Variants in CDC40 observed in about 807,000 individuals in gnomAD.
CDC40 encodes pre-mRNA-processing factor 17.
Under a neutral mutation model 80.6 loss-of-function variants are expected in CDC40, and 27 were observed. That is an observed-to-expected ratio of 0.33 (90% confidence interval 0.25 to 0.46). The LOEUF (loss-of-function observed/expected upper bound fraction) is 0.46, where lower values mean the gene tolerates loss of function less well. Ranked by LOEUF, CDC40 falls within the 20% of genes least tolerant of loss-of-function variation. The pLI, the probability that CDC40 is intolerant of heterozygous loss-of-function variation, is 1.00. For synonymous variants in CDC40, 221 were observed against 232.6 expected (o/e 0.95, Z 0.45); for missense variants, 486 against 694.1 (o/e 0.70, Z 3.37).
At chr6:110,218,121 C>G (rs921149468) in intron 10 of CDC40, among the ~76,000 whole-genome samples, 1 of 152,078 alleles carries the variant, frequency 6.6e-6, no homozygotes, top group African/African-American at 2.4e-5. Context: ...TTGCACATAA[C>G]AGAAGTGCAA....
intron 12 of CDC40, among the ~76,000 whole-genome samples, chr6:110,223,800 G>GGGTTT (rs201642631): frequency 0.066 from 7,570 of 115,176 alleles, 269 homozygotes; most frequent in Middle Eastern, 0.12. Context: ...GCAACTTGTA[G>GGGTTT]GGTTTTGTTT....
At chr6:110,223,807 GTTTT>G (rs1777811773) in intron 12 of CDC40, among the ~76,000 whole-genome samples, 12 of 82,620 alleles carry the variant, frequency 1.5e-4, no homozygotes, top group South Asian at 5.1e-4. Context: ...GTAGGGTTTT[GTTTT>G]GTTTTGTTTT....
chr6:110,221,476 G>A (rs574854360), intron 12 of CDC40, among the ~76,000 whole-genome samples: 1 of 152,284 alleles, frequency 6.6e-6, no homozygotes, highest in African/African-American at 2.4e-5. Flanking sequence ...TCCCCAATTA[G>A]TAGAGAGTAG....
At chr6:110,203,991 A>G (rs1196914630) in intron 3 of CDC40, among the ~76,000 whole-genome samples, 2 of 152,096 alleles carry the variant, frequency 1.3e-5, no homozygotes, top group East Asian at 3.8e-4. Flanking sequence ...TTTAACTTCA[A>G]TATTTGAAAT....
At chr6:110,212,394 T>G in intron 7 of CDC40, 122 bp downstream of exon 7, 1 of 937,676 alleles carries the variant, frequency 1.1e-6, no homozygotes, top group East Asian at 2.5e-5. Context: ...TCAAATTGAA[T>G]GTAAGCCTGA....
At chr6:110,225,481 TCACCAAACA>T (rs1777843799) in intron 12 of CDC40, among the ~76,000 whole-genome samples, 2 of 151,790 alleles carry the variant, frequency 1.3e-5, no homozygotes, top group African/African-American at 4.8e-5. Flanking sequence ...TTTTTCTCCT[TCACCAAACA>T]CATTTGAAAT....
At chr6:110,220,174 T>C (rs1469732877) in intron 12 of CDC40, among the ~76,000 whole-genome samples, 1 of 152,152 alleles carries the variant, frequency 6.6e-6, no homozygotes, top group Non-Finnish European at 1.5e-5. Flanking sequence ...CTTATTCATC[T>C]CTGTAAAATA....
At chr6:110,196,821 T>C (rs1777424631) in intron 2 of CDC40, among the ~76,000 whole-genome samples, 1 of 145,298 alleles carries the variant, frequency 6.9e-6, no homozygotes, top group Non-Finnish European at 1.5e-5. Flanking sequence ...ATTGTGGGGA[T>C]CTTCTCTTAA....
chr6:110,228,751 CA>C (rs1178815946), intron 13 of CDC40, 80 bp from the exon 14 acceptor site: 1 of 1,044,724 alleles, frequency 9.6e-7, no homozygotes, highest in African/African-American at 1.7e-5. Flanking sequence ...TTATATTAAT[CA>C]CAGTGAACAT....
At chr6:110,207,981 AG>A (rs1777587284) in intron 4 of CDC40, among the ~76,000 whole-genome samples, 2 of 152,214 alleles carry the variant, frequency 1.3e-5, no homozygotes, top group Non-Finnish European at 2.9e-5. Flanking sequence ...AAGTCTGTGA[AG>A]ATTGTCTTTG....
Position 110,230,447 on chromosome 6 carries a change from T to G in CDC40, c.*316T>G, listed in dbSNP as rs560631924. 3.0e-4 allele frequency: 66 copies of G among 222,558 alleles called. 1 individual carries two copies. Among genetic ancestry groups the G allele is most frequent in the South Asian group, 2.8e-3 (36 of 13,066 alleles). The allele number at this position is 222,558 out of a possible 1,614,324, so 13.8% of individuals were successfully genotyped here. A position where few individuals can be genotyped will look rare whatever the true frequency, so the allele number is the denominator to read the frequency against. On this transcript the variant is annotated 3_prime_UTR_variant, in exon 15 of 15. Transcript: ENST00000307731. Reference sequence around the variant, plus strand: ...GGTCAAGAAAGAATCCCTAGTGGATTTGGGATTCTAGAGGAGGTGTTATAA... The same window carrying G: ...GGTCAAGAAAGAATCCCTAGTGGATGTGGGATTCTAGAGGAGGTGTTATAA...
At chr6:110,216,421 G>T (rs1191425918) in intron 9 of CDC40, among the ~76,000 whole-genome samples, 2 of 152,166 alleles carry the variant, frequency 1.3e-5, no homozygotes, top group African/African-American at 2.4e-5. Context: ...AGATGTCACC[G>T]CAGCCTAAAG....
At chr6:110,215,445 C>T in intron 9 of CDC40, 114 bp downstream of exon 9, 1 of 846,392 alleles carries the variant, frequency 1.2e-6, no homozygotes, top group Non-Finnish European at 1.9e-6. Flanking sequence ...TAGATTTCAG[C>T]TGAATCTGGA....
At chr6:110,229,559 G>T (rs1584087750) in intron 14 of CDC40, among the ~76,000 whole-genome samples, 1 of 152,172 alleles carries the variant, frequency 6.6e-6, no homozygotes, top group South Asian at 2.1e-4. Context: ...GTATTCAAAA[G>T]ATATTAAAGC....
At chr6:110,218,026 C>T (rs542095692) in intron 10 of CDC40, among the ~76,000 whole-genome samples, 3 of 152,264 alleles carry the variant, frequency 2.0e-5, no homozygotes, top group South Asian at 4.1e-4. Flanking sequence ...ATAAAGCAAA[C>T]GTACTGACAA....
intron 12 of CDC40, 28 bp from the exon 13 acceptor site, chr6:110,226,139 A>T: frequency 7.5e-7 from 1 of 1,326,738 alleles, no homozygotes; most frequent in African/African-American, 1.4e-5. Flanking sequence ...AAAGTTGCTT[A>T]TTCTGATATG....
chr6:110,228,594 T>C (rs1777895138), intron 13 of CDC40, among the ~76,000 whole-genome samples: 1 of 152,066 alleles, frequency 6.6e-6, no homozygotes, highest in Non-Finnish European at 1.5e-5. Flanking sequence ...AAAACTTTTA[T>C]ATGAGAGTGC....
chr6:110,231,171 A>G lies in CDC40; in HGVS notation c.*1040A>G, dbSNP rs1777932647. ...TTCCCCAGTTTGAGAAGCAGTGGCC[A>G]TGGTGAAAAATAGTTTTTGAAAACA... On this transcript the variant is annotated 3_prime_UTR_variant, in exon 15 of 15. Transcript: ENST00000307731. 6.6e-6 allele frequency: 1 copy of G among 152,200 alleles called. No homozygotes were observed. Among genetic ancestry groups the G allele is most frequent in the Non-Finnish European group, 1.5e-5 (1 of 68,032 alleles). The allele number at this position is 152,200 out of a possible 1,614,324, so 9.4% of individuals were successfully genotyped here.
intron 1 of CDC40, among the ~76,000 whole-genome samples, chr6:110,192,724 A>G (rs1420693782): frequency 6.6e-6 from 1 of 152,236 alleles, no homozygotes; most frequent in Non-Finnish European, 1.5e-5. Flanking sequence ...AACTGAGATT[A>G]TAAGACTTTA....
Sources: allele counts gnomAD v4.1 joint callset (sites outside exome capture counted in the v4.1 genomes callset), GRCh38; gene constraint gnomAD v4.1.1; transcripts MANE v1.5; gene names NCBI Gene and HGNC (gene_info 2026-07-23, HGNC 2026-07-21).